YTHDC2: variants seen among roughly 807,000 people sequenced by gnomAD.
YTHDC2 encodes 3'-5' RNA helicase YTHDC2.
In YTHDC2, 45 loss-of-function variants were observed where a neutral mutation model predicts 174.9. The ratio of observed to expected loss-of-function variants is 0.26; its 90% CI spans 0.20 to 0.33. The LOEUF (loss-of-function observed/expected upper bound fraction) is 0.33. YTHDC2 is among the 10% of genes least tolerant of loss of function. The pLI, the probability that YTHDC2 is intolerant of heterozygous loss-of-function variation, is 1.00. For synonymous variants in YTHDC2, 657 were observed against 574.5 expected (o/e 1.14, Z -2.05); for missense variants, 1,650 against 1,723.7 (o/e 0.96, Z 0.76).
chr5:113,588,447 T>A (rs541134214), intron 26 of YTHDC2, among the ~76,000 whole-genome samples: 7 of 152,116 alleles, frequency 4.6e-5, no homozygotes, highest in Admixed American at 3.3e-4. Context: ...TCTTTTTTCT[T>A]ATGTATCTTT....
intron 3 of YTHDC2, 89 bp from the exon 4 acceptor site, chr5:113,526,497 T>C (rs1580486595): frequency 9.7e-7 from 1 of 1,033,640 alleles, no homozygotes; most frequent in Non-Finnish European, 1.4e-6. Flanking sequence ...GGCATGTTTT[T>C]CTAGGTTTGG....
Position 113,533,789 on chromosome 5 carries a change from G to A in YTHDC2, c.843-516G>A, listed in dbSNP as rs74810103. Among the ~76,000 whole-genome samples, 1,278 of 152,178 alleles carry A rather than the reference G, an allele frequency of 8.4e-3. 19 individuals are homozygous for A. The highest frequency in any genetic ancestry group is 0.03 in the African/African-American group (1,226 of 41,532). On this transcript the variant is annotated intron_variant, in intron 5 of 29. Transcript: ENST00000161863. ...TGCTAAAAAATCTAAAACTTTTTGA[G>A]TGCCAACATGACACTCAAAGGAAAT... is the stretch of plus-strand genomic sequence containing the variant.
At chr5:113,539,044 T>G (rs1775273442) in intron 7 of YTHDC2, 30 bp from the exon 8 acceptor site, 1 of 1,082,480 alleles carries the variant, frequency 9.2e-7, no homozygotes, top group Non-Finnish European at 1.3e-6. Context: ...AAGATGCAAG[T>G]TGAGTATTTA....
rs758634159 is a variant in YTHDC2 at position 113,584,333 on chromosome 5, C to T, written c.3679C>T (p.His1227Tyr). Residue 1227 changes from histidine to tyrosine, a missense_variant, in exon 26 of 30, where the codon CAC becomes TAC. Physicochemically the swap from His to Tyr is moderately conservative, Grantham distance 83 (BLOSUM62 2). Around this residue, in one of 5 missense-constraint regions of YTHDC2, gnomAD observed 913 missense variants for 940.4 expected, o/e 0.97. Transcript: ENST00000161863. ...VLMKSPSPAL[H>Y]PPQKYKDRGI... The stretch of plus-strand genomic sequence containing the variant: ...GATGAAATCTCCATCTCCAGCATTA[C>T]ACCCACCTCAGAAGTACAAAGATAG... 4.3e-6 allele frequency: 7 copies of T among 1,613,362 alleles called. No individual in the cohort carries two copies. The highest frequency in any genetic ancestry group is 1.7e-4 in the Middle Eastern group (1 of 6,052).
chr5:113,516,332 G>A (rs1352251808), intron 2 of YTHDC2, among the ~76,000 whole-genome samples: 1 of 152,140 alleles, frequency 6.6e-6, no homozygotes, highest in African/African-American at 2.4e-5. Flanking sequence ...TTTAAAAAGT[G>A]GTACAGGAGG....
At chr5:113,524,289 C>G (rs1274844167) in intron 2 of YTHDC2, among the ~76,000 whole-genome samples, 1 of 152,114 alleles carries the variant, frequency 6.6e-6, no homozygotes, top group Non-Finnish European at 1.5e-5. Context: ...ACCTACTACT[C>G]TTAGAGCCGC....
Position 113,548,608 on chromosome 5 carries a change from T to C in YTHDC2, c.1563T>C (p.Ser521=), listed in dbSNP as rs1223392815. The change falls in exon 11 of 30, where the codon AGT becomes AGC. Residue 521 remains serine (S), a synonymous_variant. Transcript: ENST00000161863. ...LMVAAGRGFA[S]QVEQLISMGA... is the part of the protein sequence containing the mutation. ...TTGCTGCAGGACGTGGCTTTGCAAG[T>C]CAAGTAGAACAGTTAATCAGTATGG... 13 of 1,613,512 alleles carry C rather than the reference T, an allele frequency of 8.1e-6. No individual in the cohort carries two copies. Among genetic ancestry groups the C allele is most frequent in the African/African-American group, 1.3e-5 (1 of 75,028 alleles).
intron 23 of YTHDC2, among the ~76,000 whole-genome samples, chr5:113,568,185 C>T (rs1777476421): frequency 6.6e-6 from 1 of 151,972 alleles, no homozygotes; most frequent in African/African-American, 2.4e-5. Flanking sequence ...TTTTCTCATG[C>T]TAACACTTTT....
intron 2 of YTHDC2, among the ~76,000 whole-genome samples, chr5:113,518,580 T>C (rs948304489): frequency 1.1e-4 from 16 of 151,446 alleles, no homozygotes; most frequent in Non-Finnish European, 1.6e-4. Flanking sequence ...TGTGTGTGTG[T>C]GTGTGTGTGT....
At position 113,561,126 on chromosome 5, in the gene YTHDC2, C is replaced by G. The variant is rs368881174; in HGVS notation, c.2263C>G (p.Leu755Val). 33 of 1,613,008 alleles carry G rather than the reference C, an allele frequency of 2.0e-5. No individual in the cohort carries two copies. The African/African-American group carries it at 4.3e-4, about 21-fold the overall frequency. The change falls in exon 18 of 30, where the codon CTC (leucine) becomes GTC (valine). Residue 755 changes from leucine (L) to valine (V), a missense_variant. Leu to Val is a conservative substitution (Grantham distance 32). Around this residue, in one of 5 missense-constraint regions of YTHDC2, gnomAD observed 913 missense variants for 940.4 expected, o/e 0.97. Coordinates refer to ENST00000161863, the MANE Select transcript of YTHDC2 (RefSeq NM_022828.5). ...AATTTGTTTTCGTCTGTTCAGTAGA[C>G]TCCGATTCCAGAATATGTTGGAATT... ...PGICFRLFSR[L>V]RFQNMLEFQT... is the part of the protein sequence containing the mutation.
At chr5:113,542,912 T>G (rs919314799) in intron 10 of YTHDC2, among the ~76,000 whole-genome samples, 1 of 152,196 alleles carries the variant, frequency 6.6e-6, no homozygotes, top group African/African-American at 2.4e-5. Context: ...TCTTGAAATA[T>G]TTTACTCAGT....
chr5:113,553,892 A>C (rs374340645), intron 15 of YTHDC2, 38 bp downstream of exon 15: 4 of 1,584,326 alleles, frequency 2.5e-6, no homozygotes, highest in African/African-American at 2.7e-5. Flanking sequence ...CACTTTCATT[A>C]GTTATTTTTT....
At chr5:113,552,547 T>A (rs1776317139) in intron 12 of YTHDC2, among the ~76,000 whole-genome samples, 1 of 152,160 alleles carries the variant, frequency 6.6e-6, no homozygotes, top group Non-Finnish European at 1.5e-5. Flanking sequence ...CCAAGGTTTG[T>A]TTGTATATTT....
Position 113,532,860 on chromosome 5 carries a change from T to C in YTHDC2, c.676-19T>C. The C allele has an allele frequency of 6.3e-7, 1 of 1,594,194 alleles. No individual in the cohort carries two copies. The highest frequency in any genetic ancestry group is 1.1e-5 in the South Asian group (1 of 88,190). ...TATGTGATCATGTCATCTTACAGTT[T>C]TTAAAACTTTTGTTTCAGATTCCTC... On this transcript the variant is annotated intron_variant, in intron 4 of 29. Transcript: ENST00000161863.
intron 11 of YTHDC2, 44 bp downstream of exon 11, chr5:113,548,711 T>C: frequency 2.0e-6 from 3 of 1,527,666 alleles, no homozygotes; most frequent in Non-Finnish European, 2.6e-6. Flanking sequence ...TTTGTATAGC[T>C]ACACATATCT....
intron 2 of YTHDC2, among the ~76,000 whole-genome samples, chr5:113,515,654 A>G (rs780699893): frequency 1.3e-5 from 2 of 152,224 alleles, no homozygotes; most frequent in Non-Finnish European, 2.9e-5. Flanking sequence ...GATAAAAGAC[A>G]TATTAACAAG....
At chr5:113,577,592 A>G (rs945922472) in intron 23 of YTHDC2, among the ~76,000 whole-genome samples, 1 of 151,986 alleles carries the variant, frequency 6.6e-6, no homozygotes, top group Non-Finnish European at 1.5e-5. Context: ...CTGGTCTCAA[A>G]CTTCTGTGCT....
chr5:113,570,965 CT>C (rs1777676465), intron 23 of YTHDC2, among the ~76,000 whole-genome samples: 2 of 152,232 alleles, frequency 1.3e-5, no homozygotes, highest in African/African-American at 4.8e-5. Context: ...CGTGAATACT[CT>C]TCATTTTTTT....
At position 113,534,299 on chromosome 5, in the gene YTHDC2, T is replaced by A. The variant is rs1244897639; in HGVS notation, c.843-6T>A. The A allele has an allele frequency of 8.7e-6, 14 of 1,606,552 alleles. No individual in the cohort carries two copies. Among genetic ancestry groups the A allele is most frequent in the South Asian group, 2.2e-5 (2 of 90,142 alleles). ...TGTGCACTTTGTTTTGCTTTTTTTT[T>A]AAAAGGGTTTCTCCAAAGACACTTC... On this transcript the variant is annotated splice_polypyrimidine_tract_variant and splice_region_variant and intron_variant, in intron 5 of 29. Transcript: ENST00000161863.
Sources: allele counts gnomAD v4.1 joint callset (sites outside exome capture counted in the v4.1 genomes callset), GRCh38; gene constraint gnomAD v4.1.1; regional missense constraint gnomAD v4.1.1; transcripts MANE v1.5; gene names NCBI Gene and HGNC (gene_info 2026-07-23, HGNC 2026-07-21).